Variants in SH3KBP1 observed in about 807,000 individuals in gnomAD.
The protein encoded by SH3KBP1 is SH3 domain containing kinase binding protein 1.
A neutral mutation model predicts 50.1 loss-of-function variants in SH3KBP1; 8 were observed. The ratio of observed to expected loss-of-function variants is 0.16; its 90% confidence interval spans 0.09 to 0.29. The LOEUF is 0.29. Among genes scored for constraint, SH3KBP1 ranks in the 10% least tolerant of loss-of-function variants. The probability of loss-of-function intolerance (pLI) is 1.00; values close to 1 mark genes in which losing one functional copy is unlikely to be tolerated. For synonymous variants in SH3KBP1, 227 were observed against 218.6 expected, an observed-to-expected ratio of 1.04 and a Z score of -0.34; for missense variants, 377 against 535.2, an observed-to-expected ratio of 0.70 and a Z score of 2.92.
chrX:19,638,627 G>A (rs1401810984), intron 7 of SH3KBP1, among the ~76,000 whole-genome samples: 2 of 111,413 alleles, frequency 1.8e-5, no homozygotes, highest in Non-Finnish European at 3.8e-5. Flanking sequence ...CACTGGTCTA[G>A]TAATGGGTAT....
chrX:19,603,977 C>G (rs1182195831), intron 9 of SH3KBP1, among the ~76,000 whole-genome samples: 1 of 111,867 alleles, frequency 8.9e-6, no homozygotes, highest in African/African-American at 3.3e-5. Flanking sequence ...CATGAACCAC[C>G]ACACTGGCCA....
chrX:19,719,140 G>T (rs2063990333), intron 3 of SH3KBP1, among the ~76,000 whole-genome samples: 1 of 111,569 alleles, frequency 9.0e-6, no homozygotes, highest in African/African-American at 3.3e-5. Flanking sequence ...TTTGTTATCT[G>T]TGAGTGTCGG....
chrX:19,791,379 G>A (rs1029085686), intron 2 of SH3KBP1, among the ~76,000 whole-genome samples: 12 of 111,034 alleles, frequency 1.1e-4, no homozygotes, highest in African/African-American at 3.9e-4. Flanking sequence ...ACCCCAAATA[G>A]GGCACCAATT....
At chrX:19,691,329 T>G (rs1035203733) in intron 5 of SH3KBP1, among the ~76,000 whole-genome samples, 46 of 73,011 alleles carry the variant, frequency 6.3e-4, no homozygotes, top group African/African-American at 3.5e-3. Context: ...TCTGTCGCTC[T>G]CTCTCTCTCT....
chrX:19,590,809 ATTTTTTT>A (rs34366083), intron 11 of SH3KBP1, among the ~76,000 whole-genome samples: 4 of 23,762 alleles, frequency 1.7e-4, no homozygotes, highest in South Asian at 2.2e-3. Flanking sequence ...AGGCCTGGCT[ATTTTTTT>A]TTTTTTTTTT....
intron 1 of SH3KBP1, among the ~76,000 whole-genome samples, chrX:19,875,030 C>T (rs2069203303): frequency 9.0e-6 from 1 of 110,761 alleles, no homozygotes; most frequent in Non-Finnish European, 1.9e-5. Context: ...GAGCCCCCTG[C>T]CCGCTTTCTG....
intron 2 of SH3KBP1, among the ~76,000 whole-genome samples, chrX:19,752,322 C>T (rs1305081314): frequency 3.6e-5 from 4 of 112,104 alleles, no homozygotes; most frequent in African/African-American, 6.5e-5. Context: ...ACAAACACAC[C>T]ATCCGAGAGG....
At chrX:19,667,213 T>C (rs1162992718) in intron 6 of SH3KBP1, among the ~76,000 whole-genome samples, 1 of 111,987 alleles carries the variant, frequency 8.9e-6, no homozygotes, top group Non-Finnish European at 1.9e-5. Flanking sequence ...TGGGAGGTTA[T>C]TGTTTAATGG....
At chrX:19,863,996 G>A (rs993426086) in intron 1 of SH3KBP1, among the ~76,000 whole-genome samples, 3 of 110,097 alleles carry the variant, frequency 2.7e-5, no homozygotes, top group Admixed American at 9.7e-5. Flanking sequence ...CTCATTCCTC[G>A]CTCGCTGGCC....
chrX:19,831,472 T>TGGACAGAAAGGC (rs2067884528), intron 2 of SH3KBP1, among the ~76,000 whole-genome samples: 1 of 101,174 alleles, frequency 9.9e-6, no homozygotes, highest in South Asian at 4.5e-4. Flanking sequence ...AGTGGTAACA[T>TGGACAGAAAGGC]GGACAGAAAG....
intron 8 of SH3KBP1, among the ~76,000 whole-genome samples, chrX:19,627,138 G>T (rs1351536041): frequency 8.9e-6 from 1 of 112,250 alleles, no homozygotes; most frequent in African/African-American, 3.2e-5. Flanking sequence ...TTACAATAGG[G>T]TCACAGAGGA....
chrX:19,876,040 GA>G (rs1218208125), intron 1 of SH3KBP1, among the ~76,000 whole-genome samples: 1 of 112,089 alleles, frequency 8.9e-6, no homozygotes, highest in African/African-American at 3.2e-5. Context: ...ATGAAAGTGG[GA>G]AGACTGTTCC....
intron 8 of SH3KBP1, among the ~76,000 whole-genome samples, chrX:19,620,595 G>A (rs909173815): frequency 8.9e-6 from 1 of 111,910 alleles, no homozygotes; most frequent in African/African-American, 3.2e-5. Flanking sequence ...ACTGGAGTAT[G>A]GCTCTGTCTG....
intron 1 of SH3KBP1, among the ~76,000 whole-genome samples, chrX:19,855,686 T>A (rs1473184377): frequency 9.0e-6 from 1 of 111,212 alleles, no homozygotes; most frequent in Non-Finnish European, 1.9e-5. Context: ...CCTGGCTCAG[T>A]GCTACACATA....
chrX:19,706,759 A>G, intron 4 of SH3KBP1, 122 bp downstream of exon 4: 1 of 508,502 alleles, frequency 2.0e-6, no homozygotes, highest in Non-Finnish European at 3.3e-6. Flanking sequence ...ACTCAACTAG[A>G]GGATCCCTAA....
chrX:19,731,491 C>T (rs1256107298), intron 3 of SH3KBP1, among the ~76,000 whole-genome samples: 1 of 111,526 alleles, frequency 9.0e-6, no homozygotes, highest in Non-Finnish European at 1.9e-5. Context: ...TTCACCTTCT[C>T]TCTCTCTAGT....
intron 2 of SH3KBP1, among the ~76,000 whole-genome samples, chrX:19,790,114 CA>C (rs780696109): frequency 0.053 from 3,160 of 59,779 alleles, 58 homozygotes; most frequent in African/African-American, 0.1. Flanking sequence ...CAGGCCGACT[CA>C]AAAAAAAAAA....
intron 7 of SH3KBP1, among the ~76,000 whole-genome samples, chrX:19,637,045 C>T (rs1164847523): frequency 1.8e-5 from 2 of 112,503 alleles, no homozygotes; most frequent in African/African-American, 6.5e-5. Flanking sequence ...TTATCTCAGA[C>T]ACTACTGGTT....
At chrX:19,650,510 A>G (rs2062098356) in intron 6 of SH3KBP1, among the ~76,000 whole-genome samples, 3 of 109,233 alleles carry the variant, frequency 2.7e-5, no homozygotes, top group African/African-American at 1.0e-4. Flanking sequence ...CCATAATCTA[A>G]TCACCTCCCA....
Sources: allele counts gnomAD v4.1 joint callset (sites outside exome capture counted in the v4.1 genomes callset), GRCh38; gene constraint gnomAD v4.1.1; transcripts MANE v1.5; gene names NCBI Gene and HGNC (gene_info 2026-07-23, HGNC 2026-07-21).